LRRC4C: variants seen among roughly 807,000 people sequenced by gnomAD.
The protein encoded by LRRC4C is leucine rich repeat containing 4C.
A neutral mutation model predicts 33.6 loss-of-function variants in LRRC4C; 5 were observed. The observed-to-expected ratio is 0.15, with a 90% CI of 0.08 to 0.31. LRRC4C has a LOEUF of 0.31. Among genes scored for constraint, LRRC4C ranks in the 10% least tolerant of loss-of-function variants. LRRC4C has a pLI of 1.00. For missense variants in LRRC4C, 560 were observed against 796.7 expected, an observed-to-expected ratio of 0.70 and a Z score of 3.58; for synonymous variants, 329 against 302.0, an observed-to-expected ratio of 1.09 and a Z score of -0.93.
At chr11:41,019,253 G>A (rs1441471337) in intron 1 of LRRC4C, among the ~76,000 whole-genome samples, 1 of 151,698 alleles carries the variant, frequency 6.6e-6, no homozygotes, top group African/African-American at 2.4e-5. Context: ...TCTCACTTAT[G>A]AGTGAGAACA....
chr11:40,906,035 A>G (rs1169403793), intron 2 of LRRC4C, among the ~76,000 whole-genome samples: 2 of 152,206 alleles, frequency 1.3e-5, no homozygotes, highest in Non-Finnish European at 2.9e-5. Context: ...AAATTGCCAC[A>G]GCCACTCCAA....
intron 1 of LRRC4C, among the ~76,000 whole-genome samples, chr11:41,109,966 G>C (rs967216208): frequency 2.0e-5 from 3 of 151,924 alleles, no homozygotes; most frequent in Admixed American, 2.0e-4. Context: ...CTCTACAACA[G>C]CGTGTACCAA....
intron 1 of LRRC4C, among the ~76,000 whole-genome samples, chr11:40,980,588 A>T (rs2137095193): frequency 6.6e-6 from 1 of 152,334 alleles, no homozygotes; most frequent in African/African-American, 2.4e-5. Context: ...AGTCTAAGCA[A>T]TTAAAAAATG....
At chr11:40,620,044 A>G (rs1962293085) in intron 3 of LRRC4C, among the ~76,000 whole-genome samples, 1 of 123,422 alleles carries the variant, frequency 8.1e-6, no homozygotes, top group African/African-American at 3.0e-5. Context: ...GAAGTTTAAA[A>G]GGAAAAAATA....
At chr11:41,061,060 T>C (rs389741) in intron 1 of LRRC4C, among the ~76,000 whole-genome samples, 147,435 of 152,056 alleles carry the variant, frequency 0.97, 71,650 homozygotes, top group East Asian at 1. Flanking sequence ...CCCCAAGACA[T>C]TTAATATTCT....
intron 1 of LRRC4C, among the ~76,000 whole-genome samples, chr11:41,203,735 A>G (rs539198252): frequency 3.0e-4 from 46 of 152,308 alleles, no homozygotes; most frequent in African/African-American, 9.4e-4. Flanking sequence ...TGAGCATCTA[A>G]TGACCTAATA....
chr11:41,194,302 G>A (rs1946089213), intron 1 of LRRC4C, among the ~76,000 whole-genome samples: 2 of 151,998 alleles, frequency 1.3e-5, no homozygotes, highest in Non-Finnish European at 1.5e-5. Context: ...ACTGTGTGGA[G>A]GCCAGTGCTT....
At chr11:40,421,424 C>T (rs909050691) in intron 3 of LRRC4C, among the ~76,000 whole-genome samples, 3 of 152,162 alleles carry the variant, frequency 2.0e-5, no homozygotes, top group Non-Finnish European at 4.4e-5. Context: ...TCCAGCCAGT[C>T]GCTTGTGGGC....
At chr11:41,109,800 C>T (rs185639644) in intron 1 of LRRC4C, among the ~76,000 whole-genome samples, 9 of 152,128 alleles carry the variant, frequency 5.9e-5, no homozygotes, top group South Asian at 2.1e-4. Context: ...TTCTTCTAGA[C>T]CTAACTCAAA....
At chr11:40,936,669 C>T (rs935160890) in intron 1 of LRRC4C, among the ~76,000 whole-genome samples, 3 of 152,106 alleles carry the variant, frequency 2.0e-5, no homozygotes, top group Admixed American at 6.6e-5. Context: ...TACCATACAT[C>T]AGGCACTACA....
chr11:40,606,491 A>G (rs1459589898), intron 3 of LRRC4C, among the ~76,000 whole-genome samples: 1 of 152,134 alleles, frequency 6.6e-6, no homozygotes, highest in Non-Finnish European at 1.5e-5. Context: ...AATGATAACA[A>G]CATAAAATTA....
rs146143166 is a variant in LRRC4C at position 41,084,543 on chromosome 11, C to T, written c.-495-150820G>A. 3.6e-3 allele frequency among the ~76,000 whole-genome samples: 555 copies of T among 152,254 alleles called. 3 individuals are homozygous for T. Among genetic ancestry groups the T allele is most frequent in the African/African-American group, 0.013 (523 of 41,562 alleles). ...TCCAAAATTATCTCCTAATTTGCTT[C>T]AGTTTAAAAATTTTTTAAAAATTGG... On this transcript the variant is annotated intron_variant, in intron 1 of 6. Coordinates refer to ENST00000528697, the MANE Select transcript of LRRC4C (RefSeq NM_001258419.2).
chr11:40,448,254 T>A (rs1251226368), intron 3 of LRRC4C, among the ~76,000 whole-genome samples: 1 of 151,884 alleles, frequency 6.6e-6, no homozygotes, highest in Non-Finnish European at 1.5e-5. Context: ...ATTACCTTTT[T>A]AAAAATTATT....
chr11:41,448,152 C>CTTTT (rs1955896748), intron 1 of LRRC4C, among the ~76,000 whole-genome samples: 4 of 33,534 alleles, frequency 1.2e-4, no homozygotes, highest in African/African-American at 3.6e-4. Context: ...TGGAGCTTTA[C>CTTTT]TTCATCAGTG....
chr11:40,641,915 T>C (rs959314449), intron 3 of LRRC4C, among the ~76,000 whole-genome samples: 1 of 152,202 alleles, frequency 6.6e-6, no homozygotes, highest in Admixed American at 6.5e-5. Flanking sequence ...TCATAGACTT[T>C]ATCATAAATT....
intron 3 of LRRC4C, among the ~76,000 whole-genome samples, chr11:40,504,755 C>T (rs549944705): frequency 1.6e-4 from 25 of 152,140 alleles, no homozygotes; most frequent in African/African-American, 6.0e-4. Context: ...GTATTGCTAT[C>T]GACACATTTC....
At chr11:40,486,745 TATATAG>T (rs1381767118) in intron 3 of LRRC4C, among the ~76,000 whole-genome samples, 1 of 152,066 alleles carries the variant, frequency 6.6e-6, no homozygotes, top group Admixed American at 6.6e-5. Context: ...AAATGGTGTG[TATATAG>T]ATATGCTACT....
intron 2 of LRRC4C, among the ~76,000 whole-genome samples, chr11:40,895,077 T>C (rs932305175): frequency 2.0e-5 from 3 of 152,116 alleles, no homozygotes; most frequent in Non-Finnish European, 2.9e-5. Flanking sequence ...TGGTCACTCT[T>C]GTTACCCTGA....
At chr11:41,369,628 A>C (rs1952670986) in intron 1 of LRRC4C, among the ~76,000 whole-genome samples, 1 of 152,178 alleles carries the variant, frequency 6.6e-6, no homozygotes, top group Non-Finnish European at 1.5e-5. Context: ...TAGATCTAAA[A>C]GTACATTAGT....
Sources: gnomAD v4.1 joint callset for allele counts (sites outside exome capture counted in the v4.1 genomes callset) on GRCh38, gnomAD v4.1.1 for gene constraint, MANE v1.5 for transcripts, NCBI Gene and HGNC (gene_info 2026-07-23, HGNC 2026-07-21) for gene names.